MIR2052HG: variants seen among roughly 807,000 people sequenced by gnomAD.
MIR2052HG encodes MIR2052 host gene.
chr8:74,603,440 T>C, intron 1 of MIR2052HG: 2 of 1,607,518 alleles, frequency 1.2e-6, no homozygotes, highest in Non-Finnish European at 1.7e-6. Flanking sequence ...GCCCCAGACA[T>C]CTGACGGATC....
At chr8:74,639,871 A>T (rs1469511689) in intron 2 of MIR2052HG, among the ~76,000 whole-genome samples, 2 of 152,030 alleles carry the variant, frequency 1.3e-5, no homozygotes, top group African/African-American at 4.8e-5. Context: ...GGACATTTGT[A>T]TCCATTGAAC....
At chr8:74,686,471 T>G (rs1455495388) in intron 2 of MIR2052HG, among the ~76,000 whole-genome samples, 5 of 152,048 alleles carry the variant, frequency 3.3e-5, no homozygotes, top group Non-Finnish European at 7.4e-5. Context: ...CTGCATTTAC[T>G]GAGTGCCAGC....
intron 4 of MIR2052HG, among the ~76,000 whole-genome samples, chr8:74,710,453 T>G (rs1365955948): frequency 6.6e-6 from 1 of 152,170 alleles, no homozygotes; most frequent in Non-Finnish European, 1.5e-5. Context: ...TTAGGGATGG[T>G]CTGGGTACCA....
intron 2 of MIR2052HG, among the ~76,000 whole-genome samples, chr8:74,681,907 A>G (rs1809129403): frequency 6.6e-6 from 1 of 152,216 alleles, no homozygotes; most frequent in Non-Finnish European, 1.5e-5. Context: ...ATAATTTGAT[A>G]TATGATAGAG....
intron 4 of MIR2052HG, among the ~76,000 whole-genome samples, chr8:74,723,533 T>G (rs1189757519): frequency 6.6e-6 from 1 of 152,134 alleles, no homozygotes; most frequent in Non-Finnish European, 1.5e-5. Context: ...CCTTATTTTT[T>G]TTTTTCCATG....
intron 5 of MIR2052HG, among the ~76,000 whole-genome samples, chr8:74,755,328 G>A (rs188214001): frequency 6.6e-6 from 1 of 152,330 alleles, no homozygotes; most frequent in Non-Finnish European, 1.5e-5. Context: ...TGGCAGAGTT[G>A]AAGATAAACA....
intron 2 of MIR2052HG, among the ~76,000 whole-genome samples, chr8:74,690,526 T>G (rs1003297957): frequency 6.6e-6 from 1 of 152,014 alleles, no homozygotes; most frequent in African/African-American, 2.4e-5. Flanking sequence ...CGGGCGCCTG[T>G]AGTCCCAGCT....
intron 2 of MIR2052HG, among the ~76,000 whole-genome samples, chr8:74,633,708 A>G (rs1266803717): frequency 6.6e-6 from 1 of 152,210 alleles, no homozygotes; most frequent in East Asian, 1.9e-4. Flanking sequence ...CTCAGCATTG[A>G]TGCTGAGTAC....
intron 4 of MIR2052HG, among the ~76,000 whole-genome samples, chr8:74,751,617 A>G (rs1809947736): frequency 6.6e-6 from 1 of 152,214 alleles, no homozygotes; most frequent in African/African-American, 2.4e-5. Context: ...GCATCTTTAT[A>G]GAACAAAACT....
chr8:74,638,187 GCA>G (rs986001400), intron 2 of MIR2052HG, among the ~76,000 whole-genome samples: 1 of 152,140 alleles, frequency 6.6e-6, no homozygotes, highest in African/African-American at 2.4e-5. Flanking sequence ...AGAGAGAACA[GCA>G]CACACAAAAT....
At chr8:74,713,585 A>G (rs1057012142) in intron 4 of MIR2052HG, among the ~76,000 whole-genome samples, 3 of 151,598 alleles carry the variant, frequency 2.0e-5, no homozygotes, top group Non-Finnish European at 4.4e-5. Context: ...TACTGATGCC[A>G]TTTCACAAGT....
chr8:74,683,622 A>T (rs763885229), intron 2 of MIR2052HG, among the ~76,000 whole-genome samples: 14 of 152,124 alleles, frequency 9.2e-5, no homozygotes, highest in Middle Eastern at 3.2e-3. Context: ...GTTCCTTTTG[A>T]TTTAAAGATA....
At chr8:74,752,290 A>AG (rs1809955680) in intron 4 of MIR2052HG, 3 of 318,374 alleles carry the variant, frequency 9.4e-6, no homozygotes, top group Admixed American at 4.3e-5. Context: ...TCAAAAAAAA[A>AG]AAAAAAAAAA....
chr8:74,674,078 T>A (rs1809024052), intron 2 of MIR2052HG, among the ~76,000 whole-genome samples: 1 of 151,326 alleles, frequency 6.6e-6, no homozygotes, highest in Non-Finnish European at 1.5e-5. Flanking sequence ...TAATAGACAT[T>A]GCTAACATAA....
chr8:74,645,143 T>G (rs1184104640), intron 2 of MIR2052HG, among the ~76,000 whole-genome samples: 1 of 152,134 alleles, frequency 6.6e-6, no homozygotes, highest in Non-Finnish European at 1.5e-5. Flanking sequence ...GGGTGGAAAA[T>G]TTAGATGGAT....
chr8:74,600,587 GAA>G (rs748726692), intron 1 of MIR2052HG, among the ~76,000 whole-genome samples: 3 of 137,622 alleles, frequency 2.2e-5, no homozygotes, highest in Admixed American at 7.2e-5. Flanking sequence ...AAAGAAAAAG[GAA>G]AAAAAAAAAA....
intron 4 of MIR2052HG, among the ~76,000 whole-genome samples, chr8:74,723,244 T>C (rs1195612221): frequency 6.6e-6 from 1 of 152,258 alleles, no homozygotes; most frequent in African/African-American, 2.4e-5. Flanking sequence ...CAGATTCTTA[T>C]ATGATAGTCA....
At chr8:74,756,753 T>G (rs1810009385) in intron 5 of MIR2052HG, 1 of 152,240 alleles carries the variant, frequency 6.6e-6, no homozygotes, top group Non-Finnish European at 1.5e-5. Context: ...GCTTGTTTGA[T>G]ATCTGTTTTT....
chr8:74,691,006 T>G (rs1437745863), intron 2 of MIR2052HG, among the ~76,000 whole-genome samples: 2 of 152,198 alleles, frequency 1.3e-5, no homozygotes, highest in African/African-American at 4.8e-5. Context: ...TATACTTTAC[T>G]AAGTATTATT....
Sources: gnomAD v4.1 joint callset for allele counts (sites outside exome capture counted in the v4.1 genomes callset) on GRCh38, gnomAD v4.1.1 for gene constraint, MANE v1.5 for transcripts, NCBI Gene and HGNC (gene_info 2026-07-23, HGNC 2026-07-21) for gene names.